The following LGR6 variants were observed in gnomAD, a reference collection of about 807,000 sequenced individuals.
LGR6 encodes the protein leucine-rich repeat-containing G protein-coupled receptor 6.
A neutral mutation model predicts 69.4 loss-of-function variants in LGR6; 45 were observed. That is an observed-to-expected ratio of 0.65 (90% CI 0.51 to 0.83). LGR6 has a LOEUF of 0.83. LGR6 is among the 40% of genes least tolerant of loss of function. The probability of loss-of-function intolerance (pLI) is 0.00; values close to 1 mark genes in which losing one functional copy is unlikely to be tolerated. For synonymous variants in LGR6, 538 were observed against 555.0 expected (o/e 0.97, Z 0.43); for missense variants, 1,108 against 1,246.7 (o/e 0.89, Z 1.68).
chr1:202,242,265 GT>G (rs1662271054), intron 4 of LGR6, among the ~76,000 whole-genome samples: 1 of 152,230 alleles, frequency 6.6e-6, no homozygotes, highest in African/African-American at 2.4e-5. Flanking sequence ...CAGCTAGGAT[GT>G]AACAGAGCTG....
chr1:202,220,499 G>A (rs542490667), intron 1 of LGR6, among the ~76,000 whole-genome samples: 9 of 151,956 alleles, frequency 5.9e-5, no homozygotes, highest in South Asian at 2.1e-4. Context: ...GATTACAGGC[G>A]TGAGTCACCA....
chr1:202,296,764 A>T (rs925695238), intron 6 of LGR6, among the ~76,000 whole-genome samples: 3 of 152,140 alleles, frequency 2.0e-5, no homozygotes, highest in African/African-American at 7.2e-5. Context: ...GCTTATCCTT[A>T]CACATTCCTA....
intron 1 of LGR6, among the ~76,000 whole-genome samples, chr1:202,222,976 C>G (rs1277125527): frequency 6.6e-6 from 1 of 152,152 alleles, no homozygotes; most frequent in Non-Finnish European, 1.5e-5. Context: ...TGGCAGGTGC[C>G]CATAATCCCA....
chr1:202,258,521 C>T (rs1053633004), intron 4 of LGR6, among the ~76,000 whole-genome samples: 8 of 151,488 alleles, frequency 5.3e-5, no homozygotes, highest in Non-Finnish European at 7.4e-5. Flanking sequence ...TCATTAATGA[C>T]TCATTTCTTG....
At chr1:202,206,930 T>C (rs1188671421) in intron 1 of LGR6, among the ~76,000 whole-genome samples, 1 of 123,802 alleles carries the variant, frequency 8.1e-6, no homozygotes, top group East Asian at 2.6e-4. Flanking sequence ...TATTTATTTA[T>C]TTATTGAGAC....
At chr1:202,203,740 G>A (rs1658917618) in intron 1 of LGR6, 4 of 1,507,852 alleles carry the variant, frequency 2.7e-6, no homozygotes, top group Non-Finnish European at 2.8e-6. Flanking sequence ...AGGAGGGAAC[G>A]CTTGTGTCTA....
At position 202,203,778 on chromosome 1, in the gene LGR6, G is replaced by A; in HGVS notation, c.212+9577G>A. 4 of 1,613,294 alleles carry A rather than the reference G, an allele frequency of 2.5e-6. No homozygotes were observed. In the South Asian group the frequency reaches 3.3e-5, roughly 13 times the overall value. Reference sequence around the variant, plus strand: ...TGATGCTCCTAATGCGGAAGCCCCTGAAAGGCGGTTGTGGTGCAAAGGAAA... The same window carrying A: ...TGATGCTCCTAATGCGGAAGCCCCTAAAAGGCGGTTGTGGTGCAAAGGAAA... On this transcript the variant is annotated intron_variant, in intron 1 of 17. Coordinates refer to ENST00000367278, the MANE Select transcript of LGR6 (RefSeq NM_001017403.2).
intron 3 of LGR6, among the ~76,000 whole-genome samples, chr1:202,235,692 C>G (rs778632846): frequency 2.0e-5 from 3 of 152,158 alleles, no homozygotes; most frequent in Non-Finnish European, 2.9e-5. Flanking sequence ...AGATGCTCTC[C>G]CTGAACACTG....
At chr1:202,209,558 T>C (rs1369202118) in intron 1 of LGR6, among the ~76,000 whole-genome samples, 1 of 152,224 alleles carries the variant, frequency 6.6e-6, no homozygotes, top group Non-Finnish European at 1.5e-5. Flanking sequence ...CCAGACACCT[T>C]TGTCTAGACC....
intron 1 of LGR6, among the ~76,000 whole-genome samples, chr1:202,210,047 G>A (rs1245146886): frequency 6.6e-6 from 1 of 152,238 alleles, no homozygotes; most frequent in Non-Finnish European, 1.5e-5. Context: ...CCAGAAGCCT[G>A]CTGCTCTGGT....
chr1:202,299,858 G>A (rs1181424064), intron 7 of LGR6, among the ~76,000 whole-genome samples: 2 of 152,158 alleles, frequency 1.3e-5, no homozygotes, highest in Admixed American at 1.3e-4. Flanking sequence ...GCTCCGCACA[G>A]GTTATGTACT....
In LGR6 at chr1:202,281,100, C is replaced by T. The variant is rs1365969566; in HGVS notation, c.716+248C>T. On this transcript the variant is annotated intron_variant, in intron 6 of 17. Coordinates refer to ENST00000367278, the MANE Select transcript of LGR6 (RefSeq NM_001017403.2). Reference sequence around the variant, plus strand: ...TCAGAATGGCCCAGGGAGTAGGAACCTGGGATCTCCCTGTGGGCAGAGACC... The same window carrying T: ...TCAGAATGGCCCAGGGAGTAGGAACTTGGGATCTCCCTGTGGGCAGAGACC... 5 of 459,018 alleles carry T rather than the reference C, an allele frequency of 1.1e-5. No homozygotes were observed. The Admixed American group carries it at 1.6e-4, about 15-fold the overall frequency. 28.4% of individuals were successfully genotyped at this position (459,018 alleles called of 1,614,324 possible).
At chr1:202,261,703 G>C (rs540508663) in intron 4 of LGR6, among the ~76,000 whole-genome samples, 166 of 152,342 alleles carry the variant, frequency 1.1e-3, no homozygotes, top group African/African-American at 3.9e-3. Flanking sequence ...CCCACCAACA[G>C]TGTAAAAGTA....
intron 4 of LGR6, among the ~76,000 whole-genome samples, chr1:202,252,881 C>A (rs1663386929): frequency 6.6e-6 from 1 of 152,216 alleles, no homozygotes; most frequent in Non-Finnish European, 1.5e-5. Flanking sequence ...GGAAAGTAAG[C>A]CTTAGGGAGC....
chr1:202,290,374 C>T (rs1305971406), intron 6 of LGR6, among the ~76,000 whole-genome samples: 1 of 152,198 alleles, frequency 6.6e-6, no homozygotes, highest in Non-Finnish European at 1.5e-5. Flanking sequence ...GAAACTCCTG[C>T]AGAAGCCCAA....
chr1:202,207,793 T>C (rs1048193674), intron 1 of LGR6, among the ~76,000 whole-genome samples: 1 of 152,190 alleles, frequency 6.6e-6, no homozygotes, highest in African/African-American at 2.4e-5. Flanking sequence ...GCAAAGTGCC[T>C]AGAACGGCGT....
intron 3 of LGR6, among the ~76,000 whole-genome samples, chr1:202,228,426 A>G (rs561488139): frequency 1.3e-5 from 2 of 150,080 alleles, no homozygotes; most frequent in Admixed American, 1.3e-4. Flanking sequence ...TTGCAACCCA[A>G]CCTTTGTCTC....
intron 3 of LGR6, among the ~76,000 whole-genome samples, chr1:202,228,783 A>C (rs1192603042): frequency 6.6e-6 from 1 of 152,180 alleles, no homozygotes; most frequent in Non-Finnish European, 1.5e-5. Flanking sequence ...AGAGGTTCCC[A>C]GGGAGGTCGC....
rs1207777374 is a variant in LGR6, at chr1:202,194,100, C to A, written c.111C>A (p.Ala37=). Residue 37 remains alanine, a synonymous_variant, in exon 1 of 18, where the codon GCC becomes GCA. Transcript: ENST00000367278. ...GCCCGGGGCCCACCGCCTGCCCGGC[C>A]CCCTGCCACTGCCAGGAGGACGGCA... ...QPGPGPTACP[A]PCHCQEDGIM... is the part of the protein sequence containing the mutation. The A allele has an allele frequency of 1.3e-6, 2 of 1,543,294 alleles. No individual in the cohort carries two copies. The highest frequency in any genetic ancestry group is 5.1e-5 in the East Asian group (2 of 38,902).
Sources: allele counts gnomAD v4.1 joint callset (sites outside exome capture counted in the v4.1 genomes callset), GRCh38; gene constraint gnomAD v4.1.1; transcripts MANE v1.5; gene names NCBI Gene and HGNC (gene_info 2026-07-23, HGNC 2026-07-21).